The following FAM98A variants were observed in gnomAD, a reference collection of about 807,000 sequenced individuals.
The protein encoded by FAM98A is tRNA splicing ligase complex subunit 3A, also known as protein FAM98A.
A neutral mutation model predicts 62.9 loss-of-function variants in FAM98A; 25 were observed. The observed-to-expected ratio is 0.40, with a 90% CI of 0.29 to 0.56. The LOEUF is 0.56. Ranked by LOEUF, FAM98A falls within the 20% of genes least tolerant of loss-of-function variation. The pLI, the probability that FAM98A is intolerant of heterozygous loss-of-function variation, is 0.51. For missense variants in FAM98A, 653 were observed against 640.7 expected (o/e 1.02, Z -0.21); for synonymous variants, 252 against 228.6 (o/e 1.10, Z -0.92).
chr2:33,588,182 T>C, intron 4 of FAM98A, 153 bp downstream of exon 4: 2 of 642,912 alleles, frequency 3.1e-6, no homozygotes, highest in Admixed American at 2.7e-5. Context: ...TTAAGGCATC[T>C]AGGATTTAAA....
chr2:33,586,240 T>C (rs1677544670), intron 6 of FAM98A, among the ~76,000 whole-genome samples: 1 of 152,228 alleles, frequency 6.6e-6, no homozygotes, highest in Non-Finnish European at 1.5e-5. Context: ...GCAAATTAAA[T>C]TATTTAAAGT....
intron 3 of FAM98A, 54 bp downstream of exon 3, chr2:33,592,026 C>T: frequency 1.4e-6 from 2 of 1,451,094 alleles, no homozygotes; most frequent in African/African-American, 1.4e-5. Context: ...GTTTATTAGT[C>T]ATGGAAAACA....
chr2:33,597,466 T>C (rs1295407043), intron 1 of FAM98A, among the ~76,000 whole-genome samples: 1 of 152,208 alleles, frequency 6.6e-6, no homozygotes, highest in Non-Finnish European at 1.5e-5. Context: ...GGTTAAAATT[T>C]ATAACAGTTT....
chr2:33,592,372 T>C (rs1301146503), intron 2 of FAM98A, among the ~76,000 whole-genome samples, 158 bp from the exon 3 acceptor site: 1 of 151,678 alleles, frequency 6.6e-6, no homozygotes, highest in Non-Finnish European at 1.5e-5. Flanking sequence ...AAGTTTCTTC[T>C]TTTTTTTTCT....
At chr2:33,590,639 T>C (rs1269978506) in intron 3 of FAM98A, among the ~76,000 whole-genome samples, 1 of 152,190 alleles carries the variant, frequency 6.6e-6, no homozygotes, top group African/African-American at 2.4e-5. Context: ...CTAGATGATT[T>C]AGTCATTTAA....
intron 3 of FAM98A, among the ~76,000 whole-genome samples, chr2:33,591,271 C>G (rs1342211635): frequency 1.3e-5 from 2 of 150,414 alleles, no homozygotes; most frequent in African/African-American, 4.9e-5. Context: ...GTTGTAAAAA[C>G]AAAGATTTTA....
intron 2 of FAM98A, among the ~76,000 whole-genome samples, chr2:33,593,992 G>A (rs1257296463): frequency 6.6e-6 from 1 of 152,182 alleles, no homozygotes; most frequent in African/African-American, 2.4e-5. Flanking sequence ...CACTGGCTCA[G>A]AACTTGACTA....
Position 33,585,593 on chromosome 2 carries a change from C to A in FAM98A, c.825G>T (p.Leu275Phe), listed in dbSNP as rs1558546984. Reference sequence around the variant, plus strand: ...CGCTGCTTGTCCTTAAAATCTTTGACAAGTCCTGCCTTGCAGCCAAAAGAT... The same window carrying A: ...CGCTGCTTGTCCTTAAAATCTTTGAAAAGTCCTGCCTTGCAGCCAAAAGAT... ...VAHLLAARQD[L>F]SKILRTSSGS... is the part of the protein sequence containing the mutation. The change falls in exon 7 of 8, where the codon TTG (leucine) becomes TTT (phenylalanine). Residue 275 changes from leucine to phenylalanine, a missense_variant. Physicochemically the swap from Leu to Phe is conservative, Grantham distance 22. Coordinates refer to ENST00000238823, the MANE Select transcript of FAM98A (RefSeq NM_015475.5). 2 of 1,614,184 alleles carry A rather than the reference C, an allele frequency of 1.2e-6. No homozygotes were observed. The highest frequency in any genetic ancestry group is 1.7e-6 in the Non-Finnish European group (2 of 1,180,040).
In FAM98A at chr2:33,595,725, A is replaced by G. The variant is rs557101489; in HGVS notation, c.54-88T>C. The G allele has an allele frequency of 3.7e-4, 337 of 907,778 alleles. 1 individual carries two copies. The highest frequency in any genetic ancestry group is 1.3e-4 in the Non-Finnish European group (84 of 626,370). The allele number at this position is 907,778 out of a possible 1,614,324, so 56.2% of individuals were successfully genotyped here. On this transcript the variant is annotated intron_variant, in intron 1 of 7. Coordinates refer to ENST00000238823, the MANE Select transcript of FAM98A (RefSeq NM_015475.5). ...AACATATCTATGTCTTATTTATATA[A>G]GCAATAATTTAATAAAGATAAGTTA... is the stretch of plus-strand genomic sequence containing the variant.
At chr2:33,593,250 CA>C (rs1677716312) in intron 2 of FAM98A, among the ~76,000 whole-genome samples, 1 of 152,078 alleles carries the variant, frequency 6.6e-6, no homozygotes, top group Non-Finnish European at 1.5e-5. Context: ...AGAAAAATAA[CA>C]AAAATCAGCC....
Position 33,585,132 on chromosome 2 carries a change from C to A in FAM98A, c.1201G>T (p.Asp401Tyr). Reference protein sequence around the residue: ...GGGYQDGGYRDSGFQPGGYHG... With the variant: ...GGGYQDGGYRYSGFQPGGYHG... ...TAGCCACCTGGCTGGAAACCTGAATCTCGATAACCACCATCTTGGTAGCCA... is the reference window on the plus strand; with the variant it reads ...TAGCCACCTGGCTGGAAACCTGAATATCGATAACCACCATCTTGGTAGCCA... Residue 401 changes from aspartate (D) to tyrosine (Y), a missense_variant, in exon 8 of 8, where the codon GAT (aspartate) becomes TAT (tyrosine). Transcript: ENST00000238823. 2 of 1,614,212 alleles carry A rather than the reference C, an allele frequency of 1.2e-6. No homozygotes were observed. The highest frequency in any genetic ancestry group is 1.7e-6 in the Non-Finnish European group (2 of 1,180,044).
At chr2:33,597,292 G>A (rs190897803) in intron 1 of FAM98A, among the ~76,000 whole-genome samples, 120 of 152,092 alleles carry the variant, frequency 7.9e-4, no homozygotes, top group African/African-American at 2.5e-3. Flanking sequence ...CTAGGAGTTC[G>A]AGACCAGCCT....
rs201777834 is a variant in FAM98A, at chr2:33,586,657, G to C, written c.625C>G (p.Gln209Glu). Residue 209 changes from glutamine (Q) to glutamate (E), a missense_variant, in exon 6 of 8, where the codon CAA becomes GAA. Gln to Glu is a conservative substitution (Grantham distance 29). Transcript: ENST00000238823. ...ACTTCATATTCATTGGCTATGGCTT[G>C]GTTAATTGCTTCTATCTTTTCCTGA... ...AHWEKIEAINQAIANEYEVRR... is the reference protein window; with the variant it reads ...AHWEKIEAINEAIANEYEVRR... 6.2e-7 allele frequency: 1 copy of C among 1,612,128 alleles called. No homozygotes were observed. Among genetic ancestry groups the C allele is most frequent in the Non-Finnish European group, 8.5e-7 (1 of 1,178,334 alleles).
intron 6 of FAM98A, 80 bp downstream of exon 6, chr2:33,586,482 T>C: frequency 4.4e-6 from 4 of 917,542 alleles, no homozygotes; most frequent in Non-Finnish European, 7.0e-6. Context: ...TCTCCCATAG[T>C]TGCCAAGTAG....
Position 33,584,209 on chromosome 2 carries a change from C to CTGAA in FAM98A, c.*563_*566dup, listed in dbSNP as rs1677480503. On this transcript the variant is annotated 3_prime_UTR_variant, in exon 8 of 8. Coordinates refer to ENST00000238823, the MANE Select transcript of FAM98A (RefSeq NM_015475.5). ...GTATTCCATCAACAAAATAAGGCTA[C>CTGAA]TGAATGTGCTATCTGCAAAAGAGCT... 6.5e-6 allele frequency: 1 copy of CTGAA among 153,232 alleles called. No homozygotes were observed. Among genetic ancestry groups the CTGAA allele is most frequent in the South Asian group, 2.1e-4 (1 of 4,852 alleles). 9.5% of individuals were successfully genotyped at this position (153,232 alleles called of 1,614,324 possible).
intron 3 of FAM98A, among the ~76,000 whole-genome samples, chr2:33,590,696 G>A (rs1458215881): frequency 1.3e-5 from 2 of 152,190 alleles, no homozygotes; most frequent in Non-Finnish European, 2.9e-5. Context: ...TTGAGGTGAT[G>A]ATAGCAGATT....
intron 5 of FAM98A, chr2:33,586,991 ACTTAATTT>A (rs1445135070): frequency 5.7e-6 from 3 of 525,074 alleles, no homozygotes; most frequent in African/African-American, 5.7e-5. Flanking sequence ...CATGCACCAT[ACTTAATTT>A]CAGTTTACTT....
rs2087498682 is a variant in FAM98A, at chr2:33,588,493, C to A, written c.364G>T (p.Ala122Ser). Residue 122 changes from alanine (A) to serine (S), a missense_variant, in exon 4 of 8, where the codon GCC (alanine) becomes TCC (serine). Transcript: ENST00000238823. ...LTYLISELEA[A>S]RMLCVNAPPK... Reference sequence around the variant, plus strand: ...GGAGCATTCACACAGAGCATTCTGGCAGCTTCTAGTTCTGAGATGAGGTAT... The same window carrying A: ...GGAGCATTCACACAGAGCATTCTGGAAGCTTCTAGTTCTGAGATGAGGTAT... 3.1e-6 allele frequency: 5 copies of A among 1,613,498 alleles called. No homozygotes were observed. The highest frequency in any genetic ancestry group is 4.2e-6 in the Non-Finnish European group (5 of 1,179,748).
chr2:33,596,223 T>A lies in FAM98A; in HGVS notation c.54-586A>T, dbSNP rs965071161. 2.6e-5 allele frequency among the ~76,000 whole-genome samples: 4 copies of A among 152,178 alleles called. No homozygotes were observed. In the East Asian group the frequency reaches 7.7e-4, roughly 29 times the overall value. ...CAGGCTTAGTTAGGTTTTTAATGACTTCCTTTAAAAGTAAAAACTTTCCAG... is the reference window on the plus strand; with the variant it reads ...CAGGCTTAGTTAGGTTTTTAATGACATCCTTTAAAAGTAAAAACTTTCCAG... On this transcript the variant is annotated intron_variant, in intron 1 of 7. Transcript: ENST00000238823.
Sources: gnomAD v4.1 joint callset for allele counts (sites outside exome capture counted in the v4.1 genomes callset) on GRCh38, gnomAD v4.1.1 for gene constraint, MANE v1.5 for transcripts, NCBI Gene and HGNC (gene_info 2026-07-23, HGNC 2026-07-21) for gene names.